ZEB1: variants seen among roughly 807,000 people sequenced by gnomAD.
The protein encoded by ZEB1 is zinc finger E-box-binding homeobox 1.
A neutral mutation model predicts 84.9 loss-of-function variants in ZEB1; 21 were observed. That is an observed-to-expected ratio of 0.25 (90% CI 0.18 to 0.36). The LOEUF (loss-of-function observed/expected upper bound fraction) is 0.36, where lower values mean the gene tolerates loss of function less well. ZEB1 is among the 10% of genes least tolerant of loss of function. ZEB1 has a pLI of 1.00. For synonymous variants in ZEB1, 420 were observed against 471.1 expected, an observed-to-expected ratio of 0.89 and a Z score of 1.41; for missense variants, 1,104 against 1,330.2, an observed-to-expected ratio of 0.83 and a Z score of 2.65.
chr10:31,452,502 C>T (rs539975257), intron 1 of ZEB1, among the ~76,000 whole-genome samples: 2 of 152,102 alleles, frequency 1.3e-5, no homozygotes, highest in South Asian at 4.1e-4. Context: ...CTCTCCATTC[C>T]ATTTTGTGTA....
At chr10:31,454,413 G>T (rs7087609) in intron 1 of ZEB1, among the ~76,000 whole-genome samples, 2,349 of 152,202 alleles carry the variant, frequency 0.015, 56 homozygotes, top group African/African-American at 0.053. Context: ...TCTGGCCAGG[G>T]CAGAGACTTG....
At chr10:31,510,544 G>A (rs954510581) in intron 4 of ZEB1, 129 bp from the exon 5 acceptor site, 1 of 730,480 alleles carries the variant, frequency 1.4e-6, no homozygotes, top group African/African-American at 1.8e-5. Context: ...GAGTATCATT[G>A]CATTGTTTTG....
chr10:31,321,424 C>T, intron 1 of ZEB1: 1 of 1,610,976 alleles, frequency 6.2e-7, no homozygotes, highest in Non-Finnish European at 8.5e-7. Flanking sequence ...CTTGTTATAG[C>T]AAGGAGTGGA....
intron 3 of ZEB1, among the ~76,000 whole-genome samples, chr10:31,498,912 C>T (rs1186516582): frequency 2.0e-5 from 3 of 151,790 alleles, no homozygotes; most frequent in Admixed American, 6.6e-5. Flanking sequence ...AATATTACTT[C>T]TAGAAGGAAA....
intron 3 of ZEB1, among the ~76,000 whole-genome samples, chr10:31,500,026 A>G (rs2067889651): frequency 6.6e-6 from 1 of 152,094 alleles, no homozygotes; most frequent in Admixed American, 6.5e-5. Flanking sequence ...TTAAAAACTC[A>G]TTATTCCAAC....
At chr10:31,448,665 C>T (rs1277873979) in intron 1 of ZEB1, among the ~76,000 whole-genome samples, 3 of 151,992 alleles carry the variant, frequency 2.0e-5, no homozygotes, top group Admixed American at 1.3e-4. Context: ...TGTTGGAATA[C>T]CCTGCCGTGT....
At chr10:31,473,453 T>A (rs2063582920) in intron 2 of ZEB1, among the ~76,000 whole-genome samples, 1 of 151,990 alleles carries the variant, frequency 6.6e-6, no homozygotes, top group South Asian at 2.1e-4. Context: ...TGAACTCCCA[T>A]TCACAATTGC....
At chr10:31,510,101 T>G (rs1488771424) in intron 4 of ZEB1, among the ~76,000 whole-genome samples, 1 of 152,138 alleles carries the variant, frequency 6.6e-6, no homozygotes, top group East Asian at 1.9e-4. Context: ...TACACACTAT[T>G]TTTTTGGTCT....
intron 1 of ZEB1, among the ~76,000 whole-genome samples, chr10:31,379,273 C>A (rs1044315515): frequency 6.6e-6 from 1 of 151,948 alleles, no homozygotes; most frequent in Non-Finnish European, 1.5e-5. Flanking sequence ...CATAAAATAA[C>A]CTACTTTGTA....
At chr10:31,419,088 A>G (rs539478543) in intron 1 of ZEB1, among the ~76,000 whole-genome samples, 2 of 152,308 alleles carry the variant, frequency 1.3e-5, no homozygotes, top group East Asian at 3.9e-4. Flanking sequence ...TTTCCAGTAT[A>G]ATGCCAGAGA....
chr10:31,527,516 G>A lies in ZEB1; in HGVS notation c.*252G>A, dbSNP rs2073726484. 4 of 503,794 alleles carry A rather than the reference G, an allele frequency of 7.9e-6. No homozygotes were observed. Among genetic ancestry groups the A allele is most frequent in the Non-Finnish European group, 1.4e-5 (4 of 287,188 alleles). The allele number at this position is 503,794 out of a possible 1,614,324, so 31.2% of individuals were successfully genotyped here. ...ATTTTTCATGCAGTTTTCAAAGTTA[G>A]GAACAAGTTTGTAACATGCAGCAGA... is the stretch of plus-strand genomic sequence containing the variant. On this transcript the variant is annotated 3_prime_UTR_variant, in exon 9 of 9. Transcript: ENST00000424869.
chr10:31,351,062 G>A (rs936153772), intron 1 of ZEB1, among the ~76,000 whole-genome samples: 2 of 152,138 alleles, frequency 1.3e-5, no homozygotes, highest in Non-Finnish European at 2.9e-5. Context: ...CTCCTTTGCA[G>A]CCAAATAGCA....
chr10:31,444,890 G>A (rs1322546088), intron 1 of ZEB1, among the ~76,000 whole-genome samples: 5 of 150,628 alleles, frequency 3.3e-5, no homozygotes, highest in South Asian at 2.1e-4. Context: ...TTGACTTGGC[G>A]ATGCAGGTTC....
chr10:31,372,252 C>G (rs2045853572), intron 1 of ZEB1, among the ~76,000 whole-genome samples: 2 of 151,940 alleles, frequency 1.3e-5, no homozygotes, highest in Admixed American at 1.3e-4. Context: ...CTTAAATTGT[C>G]AATAACTATT....
chr10:31,357,815 G>A (rs2042353307), intron 1 of ZEB1, among the ~76,000 whole-genome samples: 1 of 152,076 alleles, frequency 6.6e-6, no homozygotes, highest in Admixed American at 6.5e-5. Flanking sequence ...CAGTGGCTCA[G>A]TGATTTTTTT....
At chr10:31,453,980 C>G (rs988748227) in intron 1 of ZEB1, among the ~76,000 whole-genome samples, 4 of 152,126 alleles carry the variant, frequency 2.6e-5, no homozygotes, top group African/African-American at 9.7e-5. Context: ...AGGCCAGTAT[C>G]CCTGATGAAC....
intron 2 of ZEB1, among the ~76,000 whole-genome samples, chr10:31,494,179 C>T (rs897131406): frequency 1.1e-4 from 17 of 151,682 alleles, no homozygotes; most frequent in Admixed American, 6.6e-4. Context: ...CACATTGAAG[C>T]GAGAAAAAGG....
intron 2 of ZEB1, among the ~76,000 whole-genome samples, chr10:31,475,899 G>A (rs1255779614): frequency 6.6e-6 from 1 of 151,976 alleles, no homozygotes; most frequent in Non-Finnish European, 1.5e-5. Context: ...AAGGCACCTA[G>A]CTAACAAAAC....
chr10:31,340,762 T>G (rs2133569307), intron 1 of ZEB1, among the ~76,000 whole-genome samples: 1 of 152,204 alleles, frequency 6.6e-6, no homozygotes, highest in East Asian at 1.9e-4. Flanking sequence ...GAAAGCTTAC[T>G]TGAAAAGATA....
Sources: allele counts gnomAD v4.1 joint callset (sites outside exome capture counted in the v4.1 genomes callset), GRCh38; gene constraint gnomAD v4.1.1; transcripts MANE v1.5; gene names NCBI Gene and HGNC (gene_info 2026-07-23, HGNC 2026-07-21).